KCTD8: variants seen among roughly 807,000 people sequenced by gnomAD.
The protein encoded by KCTD8 is potassium channel tetramerization domain containing 8.
A neutral mutation model predicts 31.5 loss-of-function variants in KCTD8; 27 were observed. The ratio of observed to expected loss-of-function variants is 0.86; its 90% CI spans 0.63 to 1.18. The LOEUF is 1.18. Among genes scored for constraint, KCTD8 ranks in the 50% most tolerant of loss-of-function variants. The pLI is 0.00. For synonymous variants in KCTD8, 290 were observed against 280.0 expected (o/e 1.04, Z -0.36); for missense variants, 658 against 647.7 (o/e 1.02, Z -0.17).
intron 1 of KCTD8, among the ~76,000 whole-genome samples, chr4:44,199,290 C>A (rs1714057114): frequency 6.6e-6 from 1 of 152,042 alleles, no homozygotes; most frequent in Non-Finnish European, 1.5e-5. Flanking sequence ...TGACACTCAA[C>A]CATTTGGACC....
chr4:44,447,172 A>C (rs1169878995), intron 1 of KCTD8, among the ~76,000 whole-genome samples: 3 of 152,240 alleles, frequency 2.0e-5, no homozygotes, highest in African/African-American at 7.2e-5. Context: ...GACCCCCAGC[A>C]GTCCTGCAAA....
At chr4:44,186,657 T>A (rs1231616545) in intron 1 of KCTD8, among the ~76,000 whole-genome samples, 1 of 152,130 alleles carries the variant, frequency 6.6e-6, no homozygotes, top group Non-Finnish European at 1.5e-5. Flanking sequence ...GTCCTCCCCC[T>A]AGGGGTTTTG....
At chr4:44,393,423 T>C (rs1211270666) in intron 1 of KCTD8, among the ~76,000 whole-genome samples, 1 of 151,704 alleles carries the variant, frequency 6.6e-6, no homozygotes, top group African/African-American at 2.4e-5. Context: ...GGTCTAAATA[T>C]GGTTGATGAA....
intron 1 of KCTD8, among the ~76,000 whole-genome samples, chr4:44,316,795 GAAAAAAAAAAAAAA>G (rs71188270): frequency 1.2e-3 from 50 of 40,358 alleles, no homozygotes; most frequent in East Asian, 5.6e-3. Context: ...CTAAAAATAC[GAAAAAAAAAAAAAA>G]AAAAAAAAAA....
At chr4:44,246,907 A>G (rs757986389) in intron 1 of KCTD8, among the ~76,000 whole-genome samples, 8 of 151,980 alleles carry the variant, frequency 5.3e-5, no homozygotes, top group Non-Finnish European at 1.2e-4. Flanking sequence ...CATTCTGCCC[A>G]TAACTGGATC....
At chr4:44,286,801 A>T (rs1486373944) in intron 1 of KCTD8, among the ~76,000 whole-genome samples, 1 of 152,130 alleles carries the variant, frequency 6.6e-6, no homozygotes, top group East Asian at 1.9e-4. Context: ...GGGTAAAAAA[A>T]TAGAGGGATT....
At chr4:44,421,328 G>A (rs1721205071) in intron 1 of KCTD8, among the ~76,000 whole-genome samples, 1 of 151,908 alleles carries the variant, frequency 6.6e-6, no homozygotes, top group Admixed American at 6.6e-5. Flanking sequence ...TGGAGTGTGT[G>A]CATCTCATTT....
chr4:44,285,339 G>A (rs951417726), intron 1 of KCTD8, among the ~76,000 whole-genome samples: 18 of 152,202 alleles, frequency 1.2e-4, no homozygotes, highest in African/African-American at 4.3e-4. Flanking sequence ...GGATGAAGCT[G>A]GAAACCATCA....
At chr4:44,255,672 TTG>T (rs1715969343) in intron 1 of KCTD8, among the ~76,000 whole-genome samples, 1 of 151,872 alleles carries the variant, frequency 6.6e-6, no homozygotes, top group South Asian at 2.1e-4. Flanking sequence ...TTTAAAAAAA[TTG>T]TTTCAATTGG....
At chr4:44,304,042 G>A (rs1478735342) in intron 1 of KCTD8, among the ~76,000 whole-genome samples, 5 of 152,110 alleles carry the variant, frequency 3.3e-5, no homozygotes, top group African/African-American at 1.2e-4. Flanking sequence ...AAAGGCTCAT[G>A]CAGTCATCCA....
At chr4:44,447,459 G>A in intron 1 of KCTD8, 104 bp downstream of exon 1, 1 of 1,425,590 alleles carries the variant, frequency 7.0e-7, no homozygotes, top group Non-Finnish European at 9.1e-7. Flanking sequence ...GAGTTAACCA[G>A]CGCCTGCCCC....
intron 1 of KCTD8, among the ~76,000 whole-genome samples, chr4:44,233,064 T>C (rs1198181515): frequency 6.6e-6 from 1 of 152,056 alleles, no homozygotes. Context: ...ATAACTTTGC[T>C]AATATTTTTA....
chr4:44,434,969 AC>A (rs1182272226), intron 1 of KCTD8, among the ~76,000 whole-genome samples: 1 of 123,590 alleles, frequency 8.1e-6, no homozygotes, highest in Non-Finnish European at 1.7e-5. Context: ...TACTCTATCT[AC>A]CCTATATCTT....
intron 1 of KCTD8, among the ~76,000 whole-genome samples, chr4:44,212,113 GA>G: frequency 6.6e-6 from 1 of 152,280 alleles, no homozygotes; most frequent in Admixed American, 6.5e-5. Flanking sequence ...AGCACAAGGG[GA>G]TATTTGTGGT....
chr4:44,244,932 T>C (rs1715610524), intron 1 of KCTD8, among the ~76,000 whole-genome samples: 1 of 152,058 alleles, frequency 6.6e-6, no homozygotes, highest in Non-Finnish European at 1.5e-5. Context: ...TCTTTTAACA[T>C]TTGAGTGTTG....
chr4:44,243,418 G>T (rs1316081844), intron 1 of KCTD8, among the ~76,000 whole-genome samples: 5 of 152,108 alleles, frequency 3.3e-5, no homozygotes, highest in South Asian at 2.1e-4. Flanking sequence ...TGTGTTTAAA[G>T]TTGTAAGATG....
At chr4:44,214,247 A>G (rs557025734) in intron 1 of KCTD8, among the ~76,000 whole-genome samples, 86 of 152,224 alleles carry the variant, frequency 5.6e-4, no homozygotes, top group African/African-American at 2.0e-3. Context: ...GTTTTATGTC[A>G]ATTTAGTTTG....
At chr4:44,275,835 AAG>A (rs1439541615) in intron 1 of KCTD8, among the ~76,000 whole-genome samples, 1 of 152,012 alleles carries the variant, frequency 6.6e-6, no homozygotes, top group Non-Finnish European at 1.5e-5. Context: ...TGGTAGTATA[AAG>A]AGAGTGATGG....
chr4:44,418,403 G>A (rs1721127080), intron 1 of KCTD8, among the ~76,000 whole-genome samples: 1 of 152,106 alleles, frequency 6.6e-6, no homozygotes, highest in African/African-American at 2.4e-5. Context: ...AGTTAAATGT[G>A]AGCTGTAATA....
Sources: allele counts gnomAD v4.1 joint callset (sites outside exome capture counted in the v4.1 genomes callset), GRCh38; gene constraint gnomAD v4.1.1; transcripts MANE v1.5; gene names NCBI Gene and HGNC (gene_info 2026-07-23, HGNC 2026-07-21).